Variants in ERC1 observed in about 807,000 individuals in gnomAD.
The protein encoded by ERC1 is ELKS/RAB6-interacting/CAST family member 1, also known as RAB6 interacting protein 2.
ERC1 carries 56 observed loss-of-function variants against 132.0 expected under a neutral mutation model. The observed-to-expected ratio is 0.42, with a 90% CI of 0.34 to 0.53. The LOEUF (loss-of-function observed/expected upper bound fraction) is 0.53, where lower values mean the gene tolerates loss of function less well. Among genes scored for constraint, ERC1 ranks in the 20% least tolerant of loss-of-function variants. ERC1 has a pLI of 0.03. For synonymous variants in ERC1, 478 were observed against 476.1 expected (o/e 1.00, Z -0.05); for missense variants, 1,202 against 1,349.9 (o/e 0.89, Z 1.72).
chr12:1,183,729 C>T (rs1252447383), intron 11 of ERC1, among the ~76,000 whole-genome samples: 2 of 152,104 alleles, frequency 1.3e-5, no homozygotes, highest in African/African-American at 4.8e-5. Flanking sequence ...TAGAATCAGA[C>T]TTCTGCCAGG....
At chr12:1,037,954 G>T (rs1455643921) in intron 2 of ERC1, among the ~76,000 whole-genome samples, 1 of 151,568 alleles carries the variant, frequency 6.6e-6, no homozygotes, top group Non-Finnish European at 1.5e-5. Context: ...TGAGGCAGGA[G>T]AATAGCGTGA....
At chr12:1,024,087 G>C (rs1192159633) in intron 1 of ERC1, among the ~76,000 whole-genome samples, 1 of 152,158 alleles carries the variant, frequency 6.6e-6, no homozygotes, top group Non-Finnish European at 1.5e-5. Flanking sequence ...GCTGCTGTAA[G>C]AAAGTACCAT....
chr12:1,231,317 CCTT>C (rs1440087913), intron 12 of ERC1, among the ~76,000 whole-genome samples: 2 of 152,128 alleles, frequency 1.3e-5, no homozygotes, highest in African/African-American at 4.8e-5. Flanking sequence ...ATGTCTCCCT[CCTT>C]CACAGTTTAT....
At position 1,342,409 on chromosome 12, in the gene ERC1, G is replaced by T. The variant is rs1254663175; in HGVS notation, c.2781-29424G>T. Among the ~76,000 whole-genome samples the T allele has an allele frequency of 2.6e-5, 4 of 151,104 alleles. No homozygotes were observed. In the East Asian group the frequency reaches 7.8e-4, roughly 30 times the overall value. The stretch of plus-strand genomic sequence containing the variant: ...TTGAACCTGGGAGGCAGAGGTTGCA[G>T]TGAGCCAAGATTGCGCCATCGCACT... On this transcript the variant is annotated intron_variant, in intron 15 of 18. Coordinates refer to ENST00000360905, the MANE Select transcript of ERC1 (RefSeq NM_178040.4).
Position 1,493,424 on chromosome 12 carries a change from TC to T in ERC1, c.*3197del, listed in dbSNP as rs1169576673. ...CAGGCGTGGTGGCGTACGCCTGTAA[TC>T]CCAGCTACTCAGGAGGCAGGAGAAT... On this transcript the variant is annotated 3_prime_UTR_variant, in exon 19 of 19. Coordinates refer to ENST00000360905, the MANE Select transcript of ERC1 (RefSeq NM_178040.4). 1 of 162,912 alleles carries T rather than the reference TC, an allele frequency of 6.1e-6. No homozygotes were observed. Among genetic ancestry groups the T allele is most frequent in the African/African-American group, 2.4e-5 (1 of 41,010 alleles). 10.1% of individuals were successfully genotyped at this position (162,912 alleles called of 1,614,324 possible). A position where few individuals can be genotyped will look rare whatever the true frequency, so the allele number is the denominator to read the frequency against.
intron 15 of ERC1, among the ~76,000 whole-genome samples, chr12:1,311,466 G>A (rs117499778): frequency 0.028 from 4,151 of 149,306 alleles, 83 homozygotes; most frequent in Middle Eastern, 0.043. Context: ...AGAGAGATAT[G>A]CCTTTGATCT....
At chr12:1,347,707 G>A (rs990979757) in intron 15 of ERC1, among the ~76,000 whole-genome samples, 2 of 152,178 alleles carry the variant, frequency 1.3e-5, no homozygotes, top group Non-Finnish European at 2.9e-5. Context: ...CACAAGGCTG[G>A]GCACAGTTGC....
chr12:1,265,091 A>C (rs1209024642), intron 14 of ERC1, among the ~76,000 whole-genome samples: 1 of 152,214 alleles, frequency 6.6e-6, no homozygotes, highest in Non-Finnish European at 1.5e-5. Flanking sequence ...TACATTCCTA[A>C]TGCACAGTCA....
intron 15 of ERC1, among the ~76,000 whole-genome samples, chr12:1,305,406 C>A (rs1488863696): frequency 6.6e-6 from 1 of 152,142 alleles, no homozygotes; most frequent in African/African-American, 2.4e-5. Context: ...TTGTGACTTT[C>A]TTTAACTTTA....
chr12:1,116,004 G>A lies in ERC1; in HGVS notation c.1540G>A (p.Glu514Lys). Reference protein sequence around the residue: ...EVLKESLTAKEQRAAILQTEV... With the variant: ...EVLKESLTAKKQRAAILQTEV... ...GTTGAAGGAGTCCTTGACTGCTAAG[G>A]AGCAGAGGGCTGCCATCCTGCAGAC... The change falls in exon 7 of 19, where the codon GAG becomes AAG. Residue 514 changes from glutamate (E) to lysine (K), a missense_variant. Transcript: ENST00000360905. 8 of 1,613,600 alleles carry A rather than the reference G, an allele frequency of 5.0e-6. No homozygotes were observed. Among genetic ancestry groups the A allele is most frequent in the Non-Finnish European group, 6.8e-6 (8 of 1,179,756 alleles).
intron 17 of ERC1, among the ~76,000 whole-genome samples, chr12:1,414,004 A>T (rs116397660): frequency 1.2e-4 from 19 of 152,222 alleles, no homozygotes; most frequent in Admixed American, 3.3e-4. Flanking sequence ...TTAGATTCTC[A>T]TCAGGAGCGT....
At chr12:1,421,018 TA>T (rs1170305002) in intron 17 of ERC1, among the ~76,000 whole-genome samples, 1 of 151,880 alleles carries the variant, frequency 6.6e-6, no homozygotes, top group African/African-American at 2.4e-5. Flanking sequence ...TTTATGTTTA[TA>T]GGGTACAGTG....
intron 8 of ERC1, among the ~76,000 whole-genome samples, chr12:1,153,408 T>G (rs1951015028): frequency 6.6e-6 from 1 of 152,250 alleles, no homozygotes; most frequent in African/African-American, 2.4e-5. Flanking sequence ...TTATACGTGT[T>G]TAACTGTGCC....
At chr12:1,378,199 T>C (rs1321136421) in intron 16 of ERC1, among the ~76,000 whole-genome samples, 2 of 152,228 alleles carry the variant, frequency 1.3e-5, no homozygotes, top group Non-Finnish European at 2.9e-5. Context: ...TCAGATACTT[T>C]TTTAAGAAAA....
rs537746665 is a variant in ERC1 at position 1,263,530 on chromosome 12, G to A, written c.2619+365G>A. ...GACTCATGTTAACACAGAAGTCCCT[G>A]CATTAATAACTTAGGTCTGATCCCA... On this transcript the variant is annotated intron_variant, in intron 14 of 18. Coordinates refer to ENST00000360905, the MANE Select transcript of ERC1 (RefSeq NM_178040.4). Among the ~76,000 whole-genome samples, 3 of 152,274 alleles carry A rather than the reference G, an allele frequency of 2.0e-5. No individual in the cohort carries two copies. The South Asian group carries it at 6.2e-4, about 32-fold the overall frequency.
chr12:992,488 G>T (rs1480182235), intron 1 of ERC1, among the ~76,000 whole-genome samples: 1 of 152,170 alleles, frequency 6.6e-6, no homozygotes, highest in Non-Finnish European at 1.5e-5. Context: ...CTCATTTGCA[G>T]TTATGTTTCT....
intron 13 of ERC1, among the ~76,000 whole-genome samples, chr12:1,245,606 A>G (rs182634271): frequency 2.0e-5 from 3 of 152,322 alleles, no homozygotes; most frequent in Non-Finnish European, 4.4e-5. Flanking sequence ...TTTAGAAGTA[A>G]GTGGTTACTT....
chr12:1,082,806 T>G (rs191206250), intron 2 of ERC1, among the ~76,000 whole-genome samples: 2 of 152,298 alleles, frequency 1.3e-5, no homozygotes, highest in African/African-American at 4.8e-5. Flanking sequence ...TGATGAAATT[T>G]TTTGAAAGAA....
In ERC1 at chr12:1,303,955, G is replaced by GAAAAAAAAA. The variant is rs59587052; in HGVS notation, c.2780+13950_2780+13958dup. On this transcript the variant is annotated intron_variant, in intron 15 of 18. Transcript: ENST00000360905. ...GCAACAAGAGCAAAACTCCATCTCAGAAAAAAAAAAAAAAAGAATTCCATT... is the reference window on the plus strand; with the variant it reads ...GCAACAAGAGCAAAACTCCATCTCAGAAAAAAAAAAAAAAAAAAAAAAAAGAATTCCATT... Among the ~76,000 whole-genome samples, 203 of 86,458 alleles carry GAAAAAAAAA rather than the reference G, an allele frequency of 2.3e-3. 2 individuals carry two copies. The highest frequency in any genetic ancestry group is 0.012 in the Middle Eastern group (2 of 168). The allele number at this position is 86,458 out of a possible 152,430, so 56.7% of individuals were successfully genotyped here. A position where few individuals can be genotyped will look rare whatever the true frequency, so the allele number is the denominator to read the frequency against.
Sources: allele counts gnomAD v4.1 joint callset (sites outside exome capture counted in the v4.1 genomes callset), GRCh38; gene constraint gnomAD v4.1.1; transcripts MANE v1.5; gene names NCBI Gene and HGNC (gene_info 2026-07-23, HGNC 2026-07-21).